The following DPEP1 variants were observed in gnomAD, a reference collection of about 807,000 sequenced individuals.
DPEP1 encodes the protein dipeptidase 1.
DPEP1 carries 50 observed loss-of-function variants against 42.3 expected under a neutral mutation model. The ratio of observed to expected loss-of-function variants is 1.18; its 90% CI spans 0.94 to 1.50. The LOEUF (loss-of-function observed/expected upper bound fraction) is 1.50. Ranked by LOEUF, DPEP1 falls within the 40% of genes most tolerant of loss-of-function variation. DPEP1 has a pLI of 0.00. For missense variants in DPEP1, 663 were observed against 553.0 expected (o/e 1.20, Z -1.99); for synonymous variants, 297 against 234.0 (o/e 1.27, Z -2.46).
chr16:89,637,909 G>T lies in DPEP1; in HGVS notation c.1003G>T (p.Glu335Ter). 6.2e-7 allele frequency: 1 copy of T among 1,612,356 alleles called. No individual in the cohort carries two copies. Among genetic ancestry groups the T allele is most frequent in the Non-Finnish European group, 8.5e-7 (1 of 1,179,724 alleles). Residue 335 changes from glutamate to a stop codon, truncating the protein, a stop_gained, in exon 10 of 11, where the codon GAG becomes TAG. Coordinates refer to ENST00000690203, the MANE Select transcript of DPEP1 (RefSeq NM_001389466.1). LOFTEE classifies it high-confidence loss of function. Reference protein sequence around the residue: ...IAELLRRNWTEAEVKGALADN... With the variant: ...IAELLRRNWT ...TGAGCTGCTCAGGAGGAACTGGACGGAGGCGGAGGTCAAGGGCGCACTGGC... is the reference window on the plus strand; with the variant it reads ...TGAGCTGCTCAGGAGGAACTGGACGTAGGCGGAGGTCAAGGGCGCACTGGC...
In DPEP1 at chr16:89,637,448, C is replaced by T. The variant is rs779570474; in HGVS notation, c.769-20C>T. The T allele has an allele frequency of 2.5e-6, 4 of 1,612,728 alleles. No individual in the cohort carries two copies. Among genetic ancestry groups the T allele is most frequent in the East Asian group, 4.5e-5 (2 of 44,902 alleles). On this transcript the variant is annotated intron_variant, in intron 7 of 10. Transcript: ENST00000690203. ...GGCCCTCCCAGCTCTCAGCTTCACC[C>T]TGTCTTCCTTCTTGTGCAGAAACAG... is the stretch of plus-strand genomic sequence containing the variant.
intron 1 of DPEP1, among the ~76,000 whole-genome samples, chr16:89,623,684 C>G (rs977898689): frequency 6.6e-6 from 1 of 151,976 alleles, no homozygotes. Flanking sequence ...AAGAACCGTG[C>G]TGGGAGACAA....
chr16:89,614,453 G>T (rs1037372377), intron 1 of DPEP1, among the ~76,000 whole-genome samples: 1 of 152,174 alleles, frequency 6.6e-6, no homozygotes, highest in African/African-American at 2.4e-5. Flanking sequence ...AGGGCCTGTT[G>T]TCCGGCCCCA....
At chr16:89,614,249 C>G (rs1043269178) in intron 1 of DPEP1, among the ~76,000 whole-genome samples, 1 of 152,290 alleles carries the variant, frequency 6.6e-6, no homozygotes, top group East Asian at 1.9e-4. Context: ...CCCACAACCC[C>G]GCTTGTCCAC....
At chr16:89,633,797 G>T (rs886964920) in intron 2 of DPEP1, among the ~76,000 whole-genome samples, 1 of 151,732 alleles carries the variant, frequency 6.6e-6, no homozygotes, top group African/African-American at 2.4e-5. Context: ...GAGGCACAGG[G>T]ATGGGTCTGG....
intron 1 of DPEP1, among the ~76,000 whole-genome samples, chr16:89,628,675 G>C (rs1369250520): frequency 6.6e-6 from 1 of 152,138 alleles, no homozygotes; most frequent in African/African-American, 2.4e-5. Context: ...CTGTCACTCA[G>C]TTTCTGCCTC....
intron 1 of DPEP1, among the ~76,000 whole-genome samples, chr16:89,629,630 A>G (rs936287910): frequency 2.0e-5 from 3 of 151,604 alleles, no homozygotes; most frequent in African/African-American, 4.9e-5. Flanking sequence ...TGGGATTAAG[A>G]TTCTTCCGTC....
At chr16:89,624,656 T>G (rs1393011467) in intron 1 of DPEP1, among the ~76,000 whole-genome samples, 1 of 151,876 alleles carries the variant, frequency 6.6e-6, no homozygotes, top group Non-Finnish European at 1.5e-5. Context: ...AGCCTCAGCC[T>G]CCGGAGTAGC....
At chr16:89,616,634 A>G (rs2059381092) in intron 1 of DPEP1, among the ~76,000 whole-genome samples, 1 of 152,178 alleles carries the variant, frequency 6.6e-6, no homozygotes, top group African/African-American at 2.4e-5. Flanking sequence ...GGTTCCTTGA[A>G]GTTTGTGATC....
chr16:89,627,446 T>C (rs1287790346), intron 1 of DPEP1, among the ~76,000 whole-genome samples: 1 of 147,414 alleles, frequency 6.8e-6, no homozygotes, highest in Non-Finnish European at 1.5e-5. Flanking sequence ...ATTAGCTGGG[T>C]GTGGTGTGCG....
chr16:89,632,157 C>G (rs1250216176), intron 2 of DPEP1, among the ~76,000 whole-genome samples: 1 of 152,192 alleles, frequency 6.6e-6, no homozygotes, highest in African/African-American at 2.4e-5. Flanking sequence ...TTAAGCAATT[C>G]TCCTGCCTCA....
intron 1 of DPEP1, among the ~76,000 whole-genome samples, chr16:89,629,205 A>C (rs997482844): frequency 6.6e-6 from 1 of 152,136 alleles, no homozygotes; most frequent in African/African-American, 2.4e-5. Context: ...GAATGAAAAT[A>C]CGATTTATCA....
rs1043397364 is a variant in DPEP1, at chr16:89,637,349, G to T, written c.737G>T (p.Arg246Leu). 1 of 1,612,286 alleles carries T rather than the reference G, an allele frequency of 6.2e-7. No homozygotes were observed. Among genetic ancestry groups the T allele is most frequent in the South Asian group, 1.1e-5 (1 of 91,076 alleles). The change falls in exon 7 of 11, where the codon CGC (arginine) becomes CTC (leucine). Residue 246 changes from arginine to leucine, a missense_variant. Arg to Leu is a moderately radical substitution (Grantham distance 102). Coordinates refer to ENST00000690203, the MANE Select transcript of DPEP1 (RefSeq NM_001389466.1). Reference protein sequence around the residue: ...SSAYSVCASRRNVPDDVLRLV... With the variant: ...SSAYSVCASRLNVPDDVLRLV... ...GCCTACAGCGTGTGCGCAAGCCGGC[G>T]CAACGTGCCTGACGACGTCCTGAGG...
intron 1 of DPEP1, among the ~76,000 whole-genome samples, chr16:89,623,041 TG>T (rs1207009404): frequency 6.6e-6 from 1 of 152,086 alleles, no homozygotes; most frequent in Non-Finnish European, 1.5e-5. Context: ...TTGGAAGAAC[TG>T]GCCCCAGGAC....
rs2059467756 is a variant in DPEP1 at position 89,623,275 on chromosome 16, C to A, written c.-106-7030C>A. Among the ~76,000 whole-genome samples the A allele has an allele frequency of 7.9e-5, 12 of 151,180 alleles. No homozygotes were observed. In the South Asian group the frequency reaches 2.5e-3, roughly 32 times the overall value. Reference sequence around the variant, plus strand: ...TTGGAGTCCAGCCTGGGCAGCATAGCAAAACCCCATCTCGTAAAAAAAAAA... The same window carrying A: ...TTGGAGTCCAGCCTGGGCAGCATAGAAAAACCCCATCTCGTAAAAAAAAAA... On this transcript the variant is annotated intron_variant, in intron 1 of 10. Transcript: ENST00000690203.
chr16:89,620,117 G>C (rs542471482), intron 1 of DPEP1, among the ~76,000 whole-genome samples: 4 of 151,868 alleles, frequency 2.6e-5, no homozygotes, highest in African/African-American at 9.6e-5. Context: ...TCGAAAGCCC[G>C]TGTGGCTTTG....
At chr16:89,625,300 G>A (rs756268335) in intron 1 of DPEP1, among the ~76,000 whole-genome samples, 1 of 152,112 alleles carries the variant, frequency 6.6e-6, no homozygotes, top group Non-Finnish European at 1.5e-5. Flanking sequence ...CCTGCTCCCA[G>A]GGCATCACGT....
downstream of DPEP1, chr16:89,638,505 G>A (rs1319792035): frequency 6.4e-6 from 8 of 1,250,296 alleles, no homozygotes; most frequent in South Asian, 4.8e-5. Flanking sequence ...CTGGTTGGAC[G>A]TGGGGCACTC....
chr16:89,615,011 G>A (rs1251620966), intron 1 of DPEP1, among the ~76,000 whole-genome samples: 2 of 152,144 alleles, frequency 1.3e-5, no homozygotes, highest in Admixed American at 6.5e-5. Context: ...ATCTCTTGGC[G>A]AATTCTTGCT....
Sources: allele counts gnomAD v4.1 joint callset (sites outside exome capture counted in the v4.1 genomes callset), GRCh38; gene constraint gnomAD v4.1.1; transcripts MANE v1.5; gene names NCBI Gene and HGNC (gene_info 2026-07-23, HGNC 2026-07-21).